Variants in CNTN4 observed in about 807,000 individuals in gnomAD.
The protein encoded by CNTN4 is contactin 4.
CNTN4 carries 77 observed loss-of-function variants against 122.5 expected under a neutral mutation model. That is an observed-to-expected ratio of 0.63 (90% CI 0.52 to 0.76). CNTN4 has a LOEUF of 0.76. Ranked by LOEUF, CNTN4 falls within the 30% of genes least tolerant of loss-of-function variation. CNTN4 has a pLI of 0.00. For missense variants in CNTN4, 1,256 were observed against 1,259.1 expected, an observed-to-expected ratio of 1.00 and a Z score of 0.04; for synonymous variants, 512 against 447.0, an observed-to-expected ratio of 1.15 and a Z score of -1.83.
chr3:2,880,526 ATGT>A (rs1330741667), intron 8 of CNTN4, among the ~76,000 whole-genome samples: 1 of 152,192 alleles, frequency 6.6e-6, no homozygotes, highest in Admixed American at 6.5e-5. Flanking sequence ...CTGTGTGTGA[ATGT>A]TGTTGTGAGT....
At chr3:2,138,757 T>A (rs921074924) in intron 2 of CNTN4, among the ~76,000 whole-genome samples, 9 of 152,176 alleles carry the variant, frequency 5.9e-5, no homozygotes, top group African/African-American at 2.2e-4. Context: ...ATTACACCAT[T>A]AGCTCTTCTC....
At chr3:2,955,612 A>G (rs1034478734) in intron 13 of CNTN4, among the ~76,000 whole-genome samples, 5 of 152,190 alleles carry the variant, frequency 3.3e-5, no homozygotes, top group African/African-American at 1.2e-4. Context: ...ACTAATCACT[A>G]TAGCCAGAAG....
chr3:2,536,726 A>T (rs1027852653), intron 3 of CNTN4, among the ~76,000 whole-genome samples: 1 of 152,038 alleles, frequency 6.6e-6, no homozygotes. Flanking sequence ...CCACCCCTAA[A>T]AAATGAATAT....
At chr3:2,445,433 A>T (rs918990687) in intron 3 of CNTN4, among the ~76,000 whole-genome samples, 7 of 152,188 alleles carry the variant, frequency 4.6e-5, no homozygotes, top group African/African-American at 1.7e-4. Context: ...GGAACCAAGG[A>T]TGTCATGGAA....
At chr3:2,521,613 C>T (rs2077222233) in intron 3 of CNTN4, among the ~76,000 whole-genome samples, 1 of 152,054 alleles carries the variant, frequency 6.6e-6, no homozygotes, top group Admixed American at 6.6e-5. Context: ...ATTATAGCAA[C>T]TAAGTGCAAA....
At chr3:2,740,349 G>C (rs572089093) in intron 5 of CNTN4, among the ~76,000 whole-genome samples, 17 of 152,212 alleles carry the variant, frequency 1.1e-4, no homozygotes, top group Admixed American at 1.1e-3. Context: ...GACAGAGCAG[G>C]AACCGGTCTC....
chr3:2,126,680 T>G (rs75547625), intron 2 of CNTN4, among the ~76,000 whole-genome samples: 4,172 of 152,112 alleles, frequency 0.027, 216 homozygotes, highest in African/African-American at 0.095. Flanking sequence ...TATGGCAAAG[T>G]TGAGAGGGGG....
At chr3:2,663,438 A>G (rs1479027808) in intron 4 of CNTN4, among the ~76,000 whole-genome samples, 2 of 152,144 alleles carry the variant, frequency 1.3e-5, no homozygotes, top group Non-Finnish European at 2.9e-5. Flanking sequence ...CTAGTTAGAT[A>G]TTGTTCTGAT....
chr3:3,035,619 C>T (rs1559815184), intron 17 of CNTN4, among the ~76,000 whole-genome samples: 1 of 152,108 alleles, frequency 6.6e-6, no homozygotes, highest in Admixed American at 6.5e-5. Flanking sequence ...TGCAGTGGTA[C>T]AATCACAGCA....
chr3:2,242,795 G>A (rs2039994880), intron 2 of CNTN4, among the ~76,000 whole-genome samples: 1 of 152,074 alleles, frequency 6.6e-6, no homozygotes, highest in African/African-American at 2.4e-5. Context: ...AGTTAAAGAA[G>A]TTTTATTCAG....
At chr3:2,121,545 C>T (rs889706685) in intron 2 of CNTN4, among the ~76,000 whole-genome samples, 4 of 151,856 alleles carry the variant, frequency 2.6e-5, no homozygotes, top group African/African-American at 9.7e-5. Context: ...CCCATATCCT[C>T]CAGTCCTATA....
At chr3:2,453,397 G>A (rs1348967244) in intron 3 of CNTN4, among the ~76,000 whole-genome samples, 6 of 152,070 alleles carry the variant, frequency 3.9e-5, no homozygotes, top group African/African-American at 7.2e-5. Flanking sequence ...GAAAAACAGC[G>A]AAAATCTCGA....
At chr3:2,751,996 T>C (rs1292559552) in intron 6 of CNTN4, among the ~76,000 whole-genome samples, 1 of 152,180 alleles carries the variant, frequency 6.6e-6, no homozygotes, top group African/African-American at 2.4e-5. Flanking sequence ...ACTTCCCTTT[T>C]AAGGTTGTTA....
intron 2 of CNTN4, among the ~76,000 whole-genome samples, chr3:2,128,296 T>C (rs1050846341): frequency 6.6e-6 from 1 of 152,196 alleles, no homozygotes; most frequent in Non-Finnish European, 1.5e-5. Context: ...AAAACACATA[T>C]TTCCAGAATG....
chr3:2,541,699 C>G (rs762376625), intron 3 of CNTN4, among the ~76,000 whole-genome samples: 9 of 152,128 alleles, frequency 5.9e-5, no homozygotes, highest in Non-Finnish European at 1.2e-4. Flanking sequence ...TTTGCTGAAG[C>G]AAGCACAGTA....
At chr3:2,313,495 T>A (rs2042984431) in intron 2 of CNTN4, among the ~76,000 whole-genome samples, 1 of 151,908 alleles carries the variant, frequency 6.6e-6, no homozygotes, top group African/African-American at 2.4e-5. Context: ...GGTAAAAAAA[T>A]TGATTCAGAA....
intron 12 of CNTN4, among the ~76,000 whole-genome samples, chr3:2,923,002 T>C (rs1196304810): frequency 2.0e-5 from 3 of 152,238 alleles, no homozygotes; most frequent in Non-Finnish European, 4.4e-5. Context: ...ACACCAATAG[T>C]ACATTACAAA....
chr3:2,277,227 A>G (rs2041546961), intron 2 of CNTN4, among the ~76,000 whole-genome samples: 1 of 152,076 alleles, frequency 6.6e-6, no homozygotes. Context: ...TTAAATACGT[A>G]ATTTAATTGT....
At chr3:2,220,478 A>C (rs530544177) in intron 2 of CNTN4, among the ~76,000 whole-genome samples, 350 of 152,126 alleles carry the variant, frequency 2.3e-3, no homozygotes, top group Non-Finnish European at 3.8e-3. Context: ...CTGGTCTTCA[A>C]ATATTTGTAT....
Sources: allele counts gnomAD v4.1 joint callset (sites outside exome capture counted in the v4.1 genomes callset), GRCh38; gene constraint gnomAD v4.1.1; transcripts MANE v1.5; gene names NCBI Gene and HGNC (gene_info 2026-07-23, HGNC 2026-07-21).